Variants in AP1G1 observed in about 807,000 individuals in gnomAD.
The protein encoded by AP1G1 is adaptor related protein complex 1 subunit gamma 1, also known as AP-1 complex subunit gamma-1.
A neutral mutation model predicts 108.3 loss-of-function variants in AP1G1; 7 were observed. The observed-to-expected ratio is 0.06, with a 90% CI of 0.04 to 0.12. The LOEUF (loss-of-function observed/expected upper bound fraction) is 0.12, where lower values mean the gene tolerates loss of function less well. AP1G1 is among the 10% of genes least tolerant of loss of function. The probability of loss-of-function intolerance (pLI) is 1.00; values close to 1 mark genes in which losing one functional copy is unlikely to be tolerated. For missense variants in AP1G1, 756 were observed against 1,010.7 expected (o/e 0.75, Z 3.42); for synonymous variants, 379 against 353.5 (o/e 1.07, Z -0.81).
Position 71,758,909 on chromosome 16 carries a change from C to T in AP1G1, c.987G>A (p.Leu329=), listed in dbSNP as rs771861609. 8 of 1,591,414 alleles carry T rather than the reference C, an allele frequency of 5.0e-6. No homozygotes were observed. In the East Asian group the frequency reaches 1.6e-4, roughly 31 times the overall value. The change falls in exon 11 of 23, where the codon CTG becomes CTA. Residue 329 remains leucine (L), a synonymous_variant. Coordinates refer to ENST00000299980, the MANE Select transcript of AP1G1 (RefSeq NM_001128.6). ...TCTGTACAGTCTTCAACAAAGATGTCAGAGCCACATATCTGGATGAAACAG... is the reference window on the plus strand; with the variant it reads ...TCTGTACAGTCTTCAACAAAGATGTTAGAGCCACATATCTGGATGAAACAG... ...NNDKNIRYVA[L]TSLLKTVQTD... is the part of the protein sequence containing the mutation.
At chr16:71,777,374 G>A (rs1262760547) in intron 2 of AP1G1, among the ~76,000 whole-genome samples, 3 of 152,004 alleles carry the variant, frequency 2.0e-5, no homozygotes, top group Non-Finnish European at 4.4e-5. Context: ...GGGGCCAGCT[G>A]GGGAGCTCAG....
rs1384207355 is a variant in AP1G1, at chr16:71,794,838, T to TTC, written c.-3-5357_-3-5356insGA. Reference sequence around the variant, plus strand: ...CATTCTCAGGCCATGAGAAGTGCTTTTTTTTTTTTTTTTTTTTTTTTTTTT... The same window carrying TTC: ...CATTCTCAGGCCATGAGAAGTGCTTTTCTTTTTTTTTTTTTTTTTTTTTTTTT... On this transcript the variant is annotated intron_variant, in intron 1 of 22. Transcript: ENST00000299980. Among the ~76,000 whole-genome samples, 84 of 124,690 alleles carry TTC rather than the reference T, an allele frequency of 6.7e-4. 1 individual carries two copies. The highest frequency in any genetic ancestry group is 2.2e-3 in the African/African-American group (78 of 35,138). 81.8% of individuals were successfully genotyped at this position (124,690 alleles called of 152,430 possible).
chr16:71,749,481 TAAAAAA>T (rs58512452), intron 15 of AP1G1, among the ~76,000 whole-genome samples: 1 of 145,996 alleles, frequency 6.8e-6, no homozygotes, highest in African/African-American at 2.5e-5. Context: ...GAGACTCTAT[TAAAAAA>T]AAAAAAACAA....
intron 2 of AP1G1, among the ~76,000 whole-genome samples, chr16:71,776,943 C>T (rs1001245571): frequency 9.9e-5 from 15 of 151,506 alleles, no homozygotes; most frequent in Non-Finnish European, 1.3e-4. Context: ...AACCCCGTTT[C>T]TACTAAAAAT....
intron 1 of AP1G1, among the ~76,000 whole-genome samples, chr16:71,801,032 C>T (rs569268073): frequency 1.1e-4 from 17 of 151,964 alleles, no homozygotes; most frequent in African/African-American, 4.1e-4. Flanking sequence ...ATTGGCTGGG[C>T]GCGGTGGCTC....
chr16:71,804,408 A>ATC (rs2032924871), intron 1 of AP1G1, among the ~76,000 whole-genome samples: 1 of 124,760 alleles, frequency 8.0e-6, no homozygotes, highest in Non-Finnish European at 1.6e-5. Flanking sequence ...TGCTCTCTTA[A>ATC]TTTTTTTTTT....
intron 2 of AP1G1, among the ~76,000 whole-genome samples, chr16:71,780,009 T>TTTTTTTTTTTTTTTTTTTTTTTTTTC (rs2031948654): frequency 6.6e-6 from 1 of 150,910 alleles, no homozygotes; most frequent in African/African-American, 2.4e-5. Flanking sequence ...TTTTTTTTTT[T>TTTTTTTTTTTTTTTTTTTTTTTTTTC]TTGAGACGAA....
chr16:71,806,086 T>C (rs1389251790), intron 1 of AP1G1, among the ~76,000 whole-genome samples: 1 of 152,078 alleles, frequency 6.6e-6, no homozygotes, highest in Non-Finnish European at 1.5e-5. Flanking sequence ...TTTGTTTGCA[T>C]ACCACTGATT....
intron 3 of AP1G1, 47 bp from the exon 4 acceptor site, chr16:71,773,409 G>A: frequency 2.1e-6 from 3 of 1,460,790 alleles, no homozygotes; most frequent in South Asian, 1.6e-5. Flanking sequence ...TGCTCCCCAA[G>A]AAGCAGCTTC....
chr16:71,773,816 G>A (rs12933095), intron 3 of AP1G1, among the ~76,000 whole-genome samples: 21 of 149,966 alleles, frequency 1.4e-4, no homozygotes, highest in African/African-American at 3.7e-4. Flanking sequence ...GGTGGCGGGC[G>A]CCTATAATCC....
chr16:71,789,222 C>A, intron 2 of AP1G1, 57 bp downstream of exon 2: 3 of 1,493,392 alleles, frequency 2.0e-6, no homozygotes, highest in Non-Finnish European at 2.8e-6. Context: ...GATGGACAAT[C>A]CCTGAGCAAC....
chr16:71,765,429 T>C lies in AP1G1; in HGVS notation c.738+60A>G, dbSNP rs548509002. 8.1e-5 allele frequency: 100 copies of C among 1,228,200 alleles called. 1 individual carries two copies. In the African/African-American group the frequency reaches 1.4e-3, roughly 17 times the overall value. The allele number at this position is 1,228,200 out of a possible 1,614,324, so 76.1% of individuals were successfully genotyped here. ...AACACAAACTTAAGAGGAAGGAAAT[T>C]GTCTACTTAAAGATATTAAATTCAT... On this transcript the variant is annotated intron_variant, in intron 7 of 22. Coordinates refer to ENST00000299980, the MANE Select transcript of AP1G1 (RefSeq NM_001128.6).
At chr16:71,735,045 C>T (rs1206961961) in intron 21 of AP1G1, among the ~76,000 whole-genome samples, 2 of 152,166 alleles carry the variant, frequency 1.3e-5, no homozygotes, top group African/African-American at 4.8e-5. Flanking sequence ...ATCAACTATG[C>T]AAGTAAAATA....
intron 9 of AP1G1, among the ~76,000 whole-genome samples, chr16:71,764,074 T>C (rs1315432642): frequency 6.6e-6 from 1 of 152,144 alleles, no homozygotes; most frequent in African/African-American, 2.4e-5. Flanking sequence ...GCAGACACCA[T>C]CTCAACCAAA....
At position 71,756,027 on chromosome 16, in the gene AP1G1, A is replaced by C. The variant is rs1227251059; in HGVS notation, c.1221T>G (p.Ala407=). The change falls in exon 12 of 23, where the codon GCT becomes GCG. Residue 407 remains alanine, a synonymous_variant. Coordinates refer to ENST00000299980, the MANE Select transcript of AP1G1 (RefSeq NM_001128.6). ...KADCASGIFL[A]AEKYAPSKRW... ...TAAAAATTAAATCTTACTTTTCTGC[A>C]GCAAGAAAGATTCCAGATGCACAGT... The C allele has an allele frequency of 6.2e-7, 1 of 1,607,814 alleles. No individual in the cohort carries two copies. Among genetic ancestry groups the C allele is most frequent in the Non-Finnish European group, 8.5e-7 (1 of 1,178,050 alleles).
intron 2 of AP1G1, among the ~76,000 whole-genome samples, chr16:71,781,578 T>C (rs1449952506): frequency 6.6e-6 from 1 of 152,170 alleles, no homozygotes; most frequent in African/African-American, 2.4e-5. Context: ...CAGGTGGTTT[T>C]AAATGTTTTA....
chr16:71,781,568 C>T (rs1170267763), intron 2 of AP1G1, among the ~76,000 whole-genome samples: 1 of 152,108 alleles, frequency 6.6e-6, no homozygotes, highest in Admixed American at 6.6e-5. Context: ...CATGGAGAGA[C>T]AGGTGGTTTT....
At chr16:71,736,115 AAAATAT>A (rs1430498780) in intron 21 of AP1G1, among the ~76,000 whole-genome samples, 3,282 of 71,784 alleles carry the variant, frequency 0.046, 27 homozygotes, top group Middle Eastern at 0.073. Context: ...AAAAAAAAAA[AAAATAT>A]ATATATATAT....
In AP1G1 at chr16:71,758,836, G is replaced by A. The variant is rs1338658125; in HGVS notation, c.1060C>T (p.Leu354Phe). Residue 354 changes from leucine to phenylalanine, a missense_variant, in exon 11 of 23, where the codon CTT (leucine) becomes TTT (phenylalanine). Transcript: ENST00000299980. Reference sequence around the variant, plus strand: ...TTTATTGAGACATCCAAATCTTTAAGACAGTCCACAATTGTGCTTCTGTGC... The same window carrying A: ...TTTATTGAGACATCCAAATCTTTAAAACAGTCCACAATTGTGCTTCTGTGC... ...QRHRSTIVDC[L>F]KDLDVSIKRR... 6.2e-7 allele frequency: 1 copy of A among 1,608,184 alleles called. No individual in the cohort carries two copies. The highest frequency in any genetic ancestry group is 8.5e-7 in the Non-Finnish European group (1 of 1,177,700).
Sources: allele counts gnomAD v4.1 joint callset (sites outside exome capture counted in the v4.1 genomes callset), GRCh38; gene constraint gnomAD v4.1.1; transcripts MANE v1.5; gene names NCBI Gene and HGNC (gene_info 2026-07-23, HGNC 2026-07-21).